YTHDF2: variants seen among roughly 807,000 people sequenced by gnomAD.
YTHDF2 encodes the protein YTH N6-methyladenosine RNA binding protein F2.
YTHDF2 carries 2 observed loss-of-function variants against 50.4 expected under a neutral mutation model. The ratio of observed to expected loss-of-function variants is 0.04; its 90% CI spans 0.02 to 0.12. The LOEUF (loss-of-function observed/expected upper bound fraction) is 0.12. Ranked by LOEUF, YTHDF2 falls within the 10% of genes least tolerant of loss-of-function variation. The pLI, the probability that YTHDF2 is intolerant of heterozygous loss-of-function variation, is 1.00. For synonymous variants in YTHDF2, 217 were observed against 255.6 expected, an observed-to-expected ratio of 0.85 and a Z score of 1.44; for missense variants, 483 against 722.6, an observed-to-expected ratio of 0.67 and a Z score of 3.80.
rs1017688633 is a variant in YTHDF2, at chr1:28,742,315, A to G, written c.133-88A>G. ...CGGCCTGCACACTCCTTTTTATAGT[A>G]TATTTGAATTGCGTGACTAGGTGGG... On this transcript the variant is annotated intron_variant, in intron 3 of 4. Coordinates refer to ENST00000373812, the MANE Select transcript of YTHDF2 (RefSeq NM_016258.3). The G allele has an allele frequency of 5.4e-6, 8 of 1,469,126 alleles. No individual in the cohort carries two copies. In the South Asian group the frequency reaches 5.5e-5, roughly 10 times the overall value. The allele number at this position is 1,469,126 out of a possible 1,614,324, so 91.0% of individuals were successfully genotyped here.
At chr1:28,741,726 C>T (rs2087779626) in intron 3 of YTHDF2, among the ~76,000 whole-genome samples, 1 of 152,154 alleles carries the variant, frequency 6.6e-6, no homozygotes, top group Admixed American at 6.6e-5. Flanking sequence ...GTGAACCTTG[C>T]TTTTTGGTTT....
chr1:28,747,585 C>G (rs938598674), intron 4 of YTHDF2, among the ~76,000 whole-genome samples: 1 of 142,192 alleles, frequency 7.0e-6, no homozygotes, highest in African/African-American at 2.6e-5. Context: ...ACGAATCTCA[C>G]TCTGTCGCCC....
chr1:28,768,916 C>G lies in YTHDF2; in HGVS notation c.1717-13C>G. The G allele has an allele frequency of 6.3e-7, 1 of 1,579,704 alleles. No individual in the cohort carries two copies. The highest frequency in any genetic ancestry group is 8.6e-7 in the Non-Finnish European group (1 of 1,162,062). On this transcript the variant is annotated splice_polypyrimidine_tract_variant and intron_variant, in intron 4 of 4. Transcript: ENST00000373812. ...AATTTTTAACCATTTCAATTTTTTT[C>G]TTACCTCTGTAGGAACGTCAAGGTC...
chr1:28,766,837 T>TC (rs1164324968), intron 4 of YTHDF2, among the ~76,000 whole-genome samples: 4 of 136,560 alleles, frequency 2.9e-5, no homozygotes, highest in African/African-American at 1.1e-4. Context: ...TTTCCTTCTC[T>TC]TTTTTTTTTT....
intron 2 of YTHDF2, 113 bp downstream of exon 2, chr1:28,737,795 C>A: frequency 7.9e-7 from 1 of 1,265,794 alleles, no homozygotes; most frequent in Non-Finnish European, 1.1e-6. Context: ...GCTTAGTTCG[C>A]AGGTGCCGCA....
intron 4 of YTHDF2, among the ~76,000 whole-genome samples, chr1:28,754,849 G>A (rs1012779882): frequency 2.7e-5 from 4 of 150,656 alleles, no homozygotes; most frequent in African/African-American, 7.3e-5. Context: ...TGTGCCTATA[G>A]TCCTATAGTC....
rs986163866 is a variant in YTHDF2, at chr1:28,744,054, A to G, written c.1716+68A>G. On this transcript the variant is annotated intron_variant, in intron 4 of 4. Coordinates refer to ENST00000373812, the MANE Select transcript of YTHDF2 (RefSeq NM_016258.3). Reference sequence around the variant, plus strand: ...CCAGAGAGAACAGAAGAGGTATTATATAGTGAACCGTTAATAAAAACTCTG... The same window carrying G: ...CCAGAGAGAACAGAAGAGGTATTATGTAGTGAACCGTTAATAAAAACTCTG... 99 of 1,439,056 alleles carry G rather than the reference A, an allele frequency of 6.9e-5. No homozygotes were observed. The African/African-American group carries it at 1.2e-3, about 17-fold the overall frequency. The allele number at this position is 1,439,056 out of a possible 1,614,324, so 89.1% of individuals were successfully genotyped here. A position where few individuals can be genotyped will look rare whatever the true frequency, so the allele number is the denominator to read the frequency against.
intron 4 of YTHDF2, among the ~76,000 whole-genome samples, chr1:28,758,967 TAACTG>T (rs1395348593): frequency 6.6e-6 from 1 of 152,196 alleles, no homozygotes; most frequent in African/African-American, 2.4e-5. Flanking sequence ...CTTACAGACT[TAACTG>T]AATTAGAAAT....
rs750873127 is a variant in YTHDF2 at position 28,737,108 on chromosome 1, G to A, written c.-13G>A. ...AGTTCGCCGCCGTCGCCGCCCGTGA[G>A]GATCTGAGAGCCATGTCGGCCAGCA... is the stretch of plus-strand genomic sequence containing the variant. On this transcript the variant is annotated 5_prime_UTR_variant, in exon 1 of 5. Coordinates refer to ENST00000373812, the MANE Select transcript of YTHDF2 (RefSeq NM_016258.3). 4.4e-6 allele frequency: 7 copies of A among 1,596,986 alleles called. No homozygotes were observed. The highest frequency in any genetic ancestry group is 4.6e-5 in the East Asian group (2 of 43,946).
chr1:28,756,293 ACTG>A (rs1267283726), intron 4 of YTHDF2, among the ~76,000 whole-genome samples: 4 of 152,120 alleles, frequency 2.6e-5, no homozygotes, highest in Non-Finnish European at 4.4e-5. Flanking sequence ...TCCAGGGAGG[ACTG>A]CTATTTTTCC....
chr1:28,752,879 C>T (rs1418676548), intron 4 of YTHDF2, among the ~76,000 whole-genome samples: 1 of 151,188 alleles, frequency 6.6e-6, no homozygotes, highest in East Asian at 2.0e-4. Context: ...CTTGTCTCTA[C>T]AAAAAATTTA....
At chr1:28,767,533 GA>G (rs905246874) in intron 4 of YTHDF2, among the ~76,000 whole-genome samples, 2 of 151,830 alleles carry the variant, frequency 1.3e-5, no homozygotes, top group African/African-American at 4.8e-5. Context: ...TTTTGAGATA[GA>G]GTCTCGCTTT....
Position 28,737,077 on chromosome 1 carries a change from G to A in YTHDF2, c.-44G>A. On this transcript the variant is annotated 5_prime_UTR_variant, in exon 1 of 5. Transcript: ENST00000373812. ...GCTCATCTGCCGCCGCCGCCGCGCTGAGGAGAGTTCGCCGCCGTCGCCGCC... is the reference window on the plus strand; with the variant it reads ...GCTCATCTGCCGCCGCCGCCGCGCTAAGGAGAGTTCGCCGCCGTCGCCGCC... 3.2e-6 allele frequency: 5 copies of A among 1,577,164 alleles called. No homozygotes were observed. Among genetic ancestry groups the A allele is most frequent in the Non-Finnish European group, 4.3e-6 (5 of 1,163,412 alleles).
At chr1:28,742,287 G>C in intron 3 of YTHDF2, 116 bp from the exon 4 acceptor site, 1 of 1,356,176 alleles carries the variant, frequency 7.4e-7, no homozygotes. Context: ...GAGCCACCGC[G>C]TCCGGCCTGC....
intron 4 of YTHDF2, among the ~76,000 whole-genome samples, chr1:28,744,781 A>G (rs1486784204): frequency 6.6e-6 from 1 of 151,992 alleles, no homozygotes; most frequent in Non-Finnish European, 1.5e-5. Flanking sequence ...TGATCCCCCC[A>G]TCTCAGCTTC....
rs1456901879 is a variant in YTHDF2 at position 28,743,610 on chromosome 1, G to A, written c.1340G>A (p.Arg447His). 16 of 1,614,138 alleles carry A rather than the reference G, an allele frequency of 9.9e-6. No homozygotes were observed. The highest frequency in any genetic ancestry group is 1.2e-5 in the Non-Finnish European group (14 of 1,180,012). ...AACAAGAGACTGGATGCTGCTTATCGTTCCATGAACGGGAAAGGCCCCGTT... is the reference window on the plus strand; with the variant it reads ...AACAAGAGACTGGATGCTGCTTATCATTCCATGAACGGGAAAGGCCCCGTT... Reference protein sequence around the residue: ...HGNKRLDAAYRSMNGKGPVYL... With the variant: ...HGNKRLDAAYHSMNGKGPVYL... Residue 447 changes from arginine (R) to histidine (H), a missense_variant, in exon 4 of 5, where the codon CGT becomes CAT. By Grantham distance (29) the Arg-to-His change is conservative (BLOSUM62 0). Transcript: ENST00000373812. This position sits in a 1 kb window ranked among gnomAD's most constrained non-coding sequence, Gnocchi z 6.9.
At chr1:28,763,772 G>A (rs981917898) in intron 4 of YTHDF2, among the ~76,000 whole-genome samples, 4 of 148,410 alleles carry the variant, frequency 2.7e-5, no homozygotes, top group African/African-American at 9.9e-5. Flanking sequence ...TTTTTTTTTG[G>A]GATTATGGGC....
intron 4 of YTHDF2, among the ~76,000 whole-genome samples, chr1:28,763,121 C>G (rs562305769): frequency 1.3e-5 from 2 of 152,308 alleles, no homozygotes; most frequent in South Asian, 4.1e-4. Context: ...GCCACTGCAC[C>G]CAGCCGAGTT....
At chr1:28,764,795 C>A (rs2088192450) in intron 4 of YTHDF2, among the ~76,000 whole-genome samples, 1 of 152,108 alleles carries the variant, frequency 6.6e-6, no homozygotes, top group African/African-American at 2.4e-5. Context: ...CCACCTTCCT[C>A]GGCCTCCTAG....
Sources: allele counts gnomAD v4.1 joint callset (sites outside exome capture counted in the v4.1 genomes callset), GRCh38; gene constraint gnomAD v4.1.1; non-coding constraint Gnocchi (gnomAD v3.1); transcripts MANE v1.5; gene names NCBI Gene and HGNC (gene_info 2026-07-23, HGNC 2026-07-21).